Variants in SCLT1 observed in about 807,000 individuals in gnomAD.
SCLT1 encodes sodium channel and clathrin linker 1.
SCLT1 carries 78 observed loss-of-function variants against 112.8 expected under a neutral mutation model. That is an observed-to-expected ratio of 0.69 (90% CI 0.58 to 0.83). SCLT1 has a LOEUF of 0.83. Ranked by LOEUF, SCLT1 falls within the 40% of genes least tolerant of loss-of-function variation. The probability of loss-of-function intolerance (pLI) is 0.00; values close to 1 mark genes in which losing one functional copy is unlikely to be tolerated. For missense variants in SCLT1, 747 were observed against 770.4 expected (o/e 0.97, Z 0.36); for synonymous variants, 257 against 254.7 (o/e 1.01, Z -0.09).
chr4:129,003,876 C>G lies in SCLT1; in HGVS notation c.291G>C (p.Arg97Ser). 6.2e-7 allele frequency: 1 copy of G among 1,609,266 alleles called. No individual in the cohort carries two copies. Among genetic ancestry groups the G allele is most frequent in the African/African-American group, 1.3e-5 (1 of 74,818 alleles). Residue 97 changes from arginine to serine, a missense_variant and splice_region_variant, in exon 6 of 21, where the codon AGG becomes AGC. Arg to Ser is a moderately radical substitution (Grantham distance 110). Transcript: ENST00000281142. ...CAGCATCTTTTAATTCACTGTGCAA[C>G]CTTTGAAACAAATAGTTAACATGAT... is the stretch of plus-strand genomic sequence containing the variant. ...QLENVIKENE[R>S]LHSELKDAVE... is the part of the protein sequence containing the mutation.
At chr4:129,077,157 T>C (rs1751535350) in intron 2 of SCLT1, among the ~76,000 whole-genome samples, 1 of 152,132 alleles carries the variant, frequency 6.6e-6, no homozygotes, top group Admixed American at 6.5e-5. Flanking sequence ...CTTACTTTGA[T>C]CCAAAGCAAG....
intron 2 of SCLT1, among the ~76,000 whole-genome samples, chr4:129,075,830 C>T (rs1751415189): frequency 6.6e-6 from 1 of 152,144 alleles, no homozygotes; most frequent in Non-Finnish European, 1.5e-5. Flanking sequence ...TCATGAGCAA[C>T]AGGAGTAGCC....
At chr4:128,928,819 C>T (rs1005205467) in intron 18 of SCLT1, among the ~76,000 whole-genome samples, 6 of 132,702 alleles carry the variant, frequency 4.5e-5, no homozygotes, top group East Asian at 4.4e-4. Context: ...GAAACAAGAG[C>T]GAAACTCCGT....
intron 5 of SCLT1, among the ~76,000 whole-genome samples, chr4:129,035,789 T>C (rs1292628218): frequency 6.6e-6 from 1 of 151,032 alleles, no homozygotes; most frequent in Non-Finnish European, 1.5e-5. Context: ...AATCTCAACA[T>C]GAAATACATT....
intron 2 of SCLT1, among the ~76,000 whole-genome samples, chr4:129,060,123 C>T (rs1373939833): frequency 1.3e-5 from 2 of 152,170 alleles, no homozygotes; most frequent in East Asian, 3.9e-4. Context: ...TCCTTGAAGG[C>T]CTGTACTGTA....
Position 129,090,784 on chromosome 4 carries a change from G to A in SCLT1, c.34+2286C>T, listed in dbSNP as rs1561076614. Among the ~76,000 whole-genome samples the A allele has an allele frequency of 2.0e-5, 3 of 152,276 alleles. No individual in the cohort carries two copies. The South Asian group carries it at 6.2e-4, about 32-fold the overall frequency. On this transcript the variant is annotated intron_variant, in intron 1 of 20. Transcript: ENST00000281142. ...CCTAAAAACTAACTGATCTTTCCCA[G>A]ACAAAGGTGGAAGAACGGTGCACAG...
chr4:128,985,417 T>C (rs1344413422), intron 9 of SCLT1, among the ~76,000 whole-genome samples: 1 of 152,256 alleles, frequency 6.6e-6, no homozygotes, highest in African/African-American at 2.4e-5. Flanking sequence ...TCCACATTTT[T>C]ACATTGATTG....
intron 18 of SCLT1, among the ~76,000 whole-genome samples, chr4:128,906,463 G>T (rs1484955472): frequency 2.0e-5 from 3 of 152,142 alleles, no homozygotes; most frequent in Admixed American, 6.6e-5. Flanking sequence ...CTCCCAAAGT[G>T]CTGGGATTAC....
In SCLT1 at chr4:128,959,795, C is replaced by A. The variant is rs1329587775; in HGVS notation, c.870-18G>T. 1.4e-5 allele frequency: 23 copies of A among 1,604,358 alleles called. No individual in the cohort carries two copies. The highest frequency in any genetic ancestry group is 1.2e-4 in the African/African-American group (9 of 74,460). ...CACATAATCTAGAAATCAATAATTACACTGGGAAAGTTAAACTTTTTTAAA... is the reference window on the plus strand; with the variant it reads ...CACATAATCTAGAAATCAATAATTAAACTGGGAAAGTTAAACTTTTTTAAA... On this transcript the variant is annotated intron_variant, in intron 11 of 20. Transcript: ENST00000281142.
chr4:128,938,929 C>G (rs932658206), intron 17 of SCLT1, among the ~76,000 whole-genome samples: 1 of 152,254 alleles, frequency 6.6e-6, no homozygotes, highest in East Asian at 1.9e-4. Context: ...TGGCAGTGAG[C>G]CAAGATCACG....
intron 18 of SCLT1, among the ~76,000 whole-genome samples, chr4:128,932,736 C>T (rs76930328): frequency 0.033 from 4,961 of 152,128 alleles, 222 homozygotes; most frequent in African/African-American, 0.1. Context: ...AAAAAACTGC[C>T]ATAAACAAAT....
chr4:128,934,398 T>A (rs17013950), intron 18 of SCLT1, among the ~76,000 whole-genome samples: 1 of 151,820 alleles, frequency 6.6e-6, no homozygotes, highest in Non-Finnish European at 1.5e-5. Flanking sequence ...TATTGCTCCA[T>A]GTGCTAGGAT....
chr4:129,080,246 T>G (rs1025219297), intron 2 of SCLT1, among the ~76,000 whole-genome samples: 12 of 152,240 alleles, frequency 7.9e-5, no homozygotes, highest in African/African-American at 2.6e-4. Flanking sequence ...AGAAAATGGG[T>G]TTTTCTTTTC....
At chr4:129,038,027 G>C (rs939979508) in intron 5 of SCLT1, 2 of 153,100 alleles carry the variant, frequency 1.3e-5, no homozygotes, top group African/African-American at 4.8e-5. Flanking sequence ...CCAGCTACTG[G>C]GGAGGCTGAG....
At chr4:128,942,347 A>G (rs1269759809) in intron 17 of SCLT1, among the ~76,000 whole-genome samples, 2 of 145,668 alleles carry the variant, frequency 1.4e-5, no homozygotes, top group Non-Finnish European at 3.1e-5. Flanking sequence ...GAAGATGTAG[A>G]TATTTATCAT....
chr4:128,985,687 T>A (rs1041257762), intron 9 of SCLT1, among the ~76,000 whole-genome samples: 1 of 152,240 alleles, frequency 6.6e-6, no homozygotes, highest in African/African-American at 2.4e-5. Context: ...CATATACAAG[T>A]AAAGAAATCT....
downstream of SCLT1, among the ~76,000 whole-genome samples, chr4:128,883,020 C>T (rs573691691): frequency 4.0e-5 from 6 of 151,710 alleles, no homozygotes; most frequent in Middle Eastern, 6.8e-3. Context: ...GTGGCGGGTG[C>T]CTGTAATCCC....
At chr4:128,961,831 T>C (rs149838845) in intron 11 of SCLT1, among the ~76,000 whole-genome samples, 7 of 152,336 alleles carry the variant, frequency 4.6e-5, no homozygotes, top group Admixed American at 2.0e-4. Flanking sequence ...AACAACAGGC[T>C]CATATGAGGG....
At chr4:129,025,133 T>C (rs558749250) in intron 5 of SCLT1, among the ~76,000 whole-genome samples, 2 of 152,298 alleles carry the variant, frequency 1.3e-5, no homozygotes, top group African/African-American at 4.8e-5. Flanking sequence ...CTGCAGGATA[T>C]TATTCAGGAG....
Sources: gnomAD v4.1 joint callset for allele counts (sites outside exome capture counted in the v4.1 genomes callset) on GRCh38, gnomAD v4.1.1 for gene constraint, MANE v1.5 for transcripts, NCBI Gene and HGNC (gene_info 2026-07-23, HGNC 2026-07-21) for gene names.